Variants in INTS7 observed in about 807,000 individuals in gnomAD.
The protein encoded by INTS7 is chromosome 1 open reading frame 73.
INTS7 carries 46 observed loss-of-function variants against 109.2 expected under a neutral mutation model. The observed-to-expected ratio is 0.42, with a 90% confidence interval of 0.33 to 0.54. The LOEUF is 0.54. Ranked by LOEUF, INTS7 falls within the 20% of genes least tolerant of loss-of-function variation. The probability of loss-of-function intolerance (pLI) is 0.07; values close to 1 mark genes in which losing one functional copy is unlikely to be tolerated. For synonymous variants in INTS7, 412 were observed against 402.9 expected, an observed-to-expected ratio of 1.02 and a Z score of -0.27; for missense variants, 929 against 1,132.4, an observed-to-expected ratio of 0.82 and a Z score of 2.58.
rs1444396862 is a variant in INTS7, at chr1:212,017,027, C to T, written c.372-4G>A. On this transcript the variant is annotated splice_region_variant and splice_polypyrimidine_tract_variant and intron_variant, in intron 3 of 19. Transcript: ENST00000366994. ...TGATGCCAGACTTCCCAACATCCTA[C>T]AGAAACAGAGAAACCCAAGAAGATC... is the stretch of plus-strand genomic sequence containing the variant. 3 of 1,576,802 alleles carry T rather than the reference C, an allele frequency of 1.9e-6. No homozygotes were observed. The highest frequency in any genetic ancestry group is 1.2e-5 in the South Asian group (1 of 84,134).
chr1:212,001,342 C>T (rs920290504), intron 7 of INTS7, among the ~76,000 whole-genome samples: 9 of 152,260 alleles, frequency 5.9e-5, no homozygotes, highest in African/African-American at 2.2e-4. Context: ...TGAGCCACCA[C>T]GCCCGGCCCA....
intron 13 of INTS7, among the ~76,000 whole-genome samples, chr1:211,970,263 A>AG (rs776826658): frequency 2.0e-5 from 3 of 152,230 alleles, no homozygotes; most frequent in East Asian, 3.8e-4. Context: ...AAGGCAAGCC[A>AG]GGGTGGGCAG....
chr1:212,024,341 T>C (rs938160258), intron 1 of INTS7, among the ~76,000 whole-genome samples: 2 of 152,226 alleles, frequency 1.3e-5, no homozygotes, highest in Non-Finnish European at 2.9e-5. Context: ...TCCATGAGCA[T>C]GGAATGTTTT....
At chr1:212,004,234 T>C (rs1311568759) in intron 7 of INTS7, among the ~76,000 whole-genome samples, 4 of 152,020 alleles carry the variant, frequency 2.6e-5, no homozygotes, top group African/African-American at 9.7e-5. Flanking sequence ...CCCAGCTGCT[T>C]GGGAAGTTGA....
chr1:211,976,560 C>T, intron 12 of INTS7, 22 bp downstream of exon 12: 2 of 1,594,498 alleles, frequency 1.3e-6, no homozygotes, highest in Non-Finnish European at 8.6e-7. Flanking sequence ...CAACCCAGTT[C>T]ACTCAGAAGG....
At chr1:211,990,579 A>T (rs1298330368) in intron 7 of INTS7, among the ~76,000 whole-genome samples, 1 of 152,246 alleles carries the variant, frequency 6.6e-6, no homozygotes, top group Admixed American at 6.5e-5. Context: ...ACTGAAAGAA[A>T]AACCTAGTTA....
intron 17 of INTS7, among the ~76,000 whole-genome samples, chr1:211,951,353 G>A (rs1319441643): frequency 5.9e-5 from 9 of 152,116 alleles, no homozygotes; most frequent in Admixed American, 3.9e-4. Context: ...CTGTTGCCCG[G>A]GCTGGAGTGC....
rs1662601891 is a variant in INTS7, at chr1:211,940,975, C to T, written c.*849G>A. The T allele has an allele frequency of 6.6e-6, 1 of 152,330 alleles. No homozygotes were observed. The highest frequency in any genetic ancestry group is 2.4e-5 in the African/African-American group (1 of 41,572). 9.4% of individuals were successfully genotyped at this position (152,330 alleles called of 1,614,324 possible). A position where few individuals can be genotyped will look rare whatever the true frequency, so the allele number is the denominator to read the frequency against. ...CAATTAAATATGAAAATAATAAAGA[C>T]TGCTTTAGCACAGGAAGAGATAAAT... On this transcript the variant is annotated 3_prime_UTR_variant, in exon 20 of 20. Coordinates refer to ENST00000366994, the MANE Select transcript of INTS7 (RefSeq NM_015434.4).
chr1:211,947,523 C>T (rs183795842), intron 17 of INTS7, among the ~76,000 whole-genome samples: 1 of 152,264 alleles, frequency 6.6e-6, no homozygotes, highest in African/African-American at 2.4e-5. Flanking sequence ...TCAGTGGCCT[C>T]GTAAGTCACC....
At chr1:212,030,689 T>G (rs1334872489) in intron 1 of INTS7, 1 of 152,222 alleles carries the variant, frequency 6.6e-6, no homozygotes, top group Non-Finnish European at 1.5e-5. Flanking sequence ...TCAGTGTGGG[T>G]CACATGCCTA....
intron 13 of INTS7, among the ~76,000 whole-genome samples, chr1:211,972,734 AG>A (rs1272278712): frequency 1.3e-5 from 2 of 152,182 alleles, no homozygotes; most frequent in African/African-American, 2.4e-5. Context: ...TAATCAGTTG[AG>A]GCCATTAAAA....
chr1:211,977,784 A>C (rs540035721), intron 11 of INTS7, among the ~76,000 whole-genome samples: 8 of 152,348 alleles, frequency 5.3e-5, no homozygotes, highest in African/African-American at 1.7e-4. Flanking sequence ...AAGGGTCTAC[A>C]GAAGCCTAAA....
At chr1:211,943,626 C>A (rs1263356012) in intron 19 of INTS7, among the ~76,000 whole-genome samples, 1 of 152,154 alleles carries the variant, frequency 6.6e-6, no homozygotes, top group African/African-American at 2.4e-5. Flanking sequence ...AAGGCTCAGC[C>A]GTGTCAGAGT....
At chr1:212,020,892 C>A in intron 2 of INTS7, 191 bp downstream of exon 2, 1 of 600,630 alleles carries the variant, frequency 1.7e-6, no homozygotes, top group Non-Finnish European at 2.5e-6. Flanking sequence ...TAAGTATCGT[C>A]TAAATTATAC....
At chr1:211,956,856 G>A (rs950801286) in intron 16 of INTS7, among the ~76,000 whole-genome samples, 1 of 152,126 alleles carries the variant, frequency 6.6e-6, no homozygotes, top group Non-Finnish European at 1.5e-5. Context: ...GGTTTTTCCA[G>A]ATTTGTTACT....
chr1:211,987,534 C>A (rs80184701), intron 8 of INTS7, among the ~76,000 whole-genome samples: 1 of 152,070 alleles, frequency 6.6e-6, no homozygotes, highest in Non-Finnish European at 1.5e-5. Flanking sequence ...TTAAAACTCA[C>A]TACTACTTGA....
chr1:212,034,815 C>G (rs747366873), intron 1 of INTS7, among the ~76,000 whole-genome samples: 1 of 152,172 alleles, frequency 6.6e-6, no homozygotes, highest in Non-Finnish European at 1.5e-5. Flanking sequence ...GCTCCCTGTA[C>G]GGCAACAGAA....
chr1:212,007,487 C>T (rs745892731), intron 5 of INTS7, 38 bp from the exon 6 acceptor site: 1 of 1,487,828 alleles, frequency 6.7e-7, no homozygotes, highest in Non-Finnish European at 9.4e-7. Flanking sequence ...TTTGTGATCA[C>T]CATCCTTAAT....
chr1:212,015,881 ATATATCCTTC>A (rs1261636854), intron 4 of INTS7, among the ~76,000 whole-genome samples: 1 of 151,994 alleles, frequency 6.6e-6, no homozygotes, highest in Non-Finnish European at 1.5e-5. Context: ...AGATTTTGAT[ATATATCCTTC>A]TAGTCTTTTT....
Sources: gnomAD v4.1 joint callset for allele counts (sites outside exome capture counted in the v4.1 genomes callset) on GRCh38, gnomAD v4.1.1 for gene constraint, MANE v1.5 for transcripts, NCBI Gene and HGNC (gene_info 2026-07-23, HGNC 2026-07-21) for gene names.